DAB1: variants seen among roughly 807,000 people sequenced by gnomAD.
DAB1 encodes disabled homolog 1.
In DAB1, 15 loss-of-function variants were observed where a neutral mutation model predicts 64.6. That is an observed-to-expected ratio of 0.23 (90% CI 0.16 to 0.36). The LOEUF is 0.36. Ranked by LOEUF, DAB1 falls within the 10% of genes least tolerant of loss-of-function variation. The pLI is 1.00. For synonymous variants in DAB1, 235 were observed against 251.9 expected, an observed-to-expected ratio of 0.93 and a Z score of 0.64; for missense variants, 596 against 706.7, an observed-to-expected ratio of 0.84 and a Z score of 1.78.
At chr1:57,412,067 CTTA>C (rs971566054) in intron 1 of DAB1, among the ~76,000 whole-genome samples, 1 of 152,100 alleles carries the variant, frequency 6.6e-6, no homozygotes, top group Non-Finnish European at 1.5e-5. Flanking sequence ...TATTATTATA[CTTA>C]TTATGATGAT....
At chr1:57,737,603 G>A (rs1053294040) in intron 6 of DAB1, among the ~76,000 whole-genome samples, 1 of 152,156 alleles carries the variant, frequency 6.6e-6, no homozygotes, top group Non-Finnish European at 1.5e-5. Context: ...TTCTTCATGG[G>A]ATACAATAGT....
At chr1:57,936,798 T>A (rs1203481324) in intron 5 of DAB1, among the ~76,000 whole-genome samples, 2 of 152,162 alleles carry the variant, frequency 1.3e-5, no homozygotes, top group Non-Finnish European at 2.9e-5. Flanking sequence ...CAATCACTCT[T>A]ATAATTAAAT....
chr1:57,339,973 T>C (rs771211500), intron 1 of DAB1, among the ~76,000 whole-genome samples: 4 of 152,128 alleles, frequency 2.6e-5, no homozygotes, highest in Admixed American at 6.5e-5. Flanking sequence ...ACTAGCAGAA[T>C]CTAGGATGGT....
At chr1:57,072,600 T>C (rs1345375690) in intron 4 of DAB1, among the ~76,000 whole-genome samples, 186 bp from the exon 5 acceptor site, 1 of 152,206 alleles carries the variant, frequency 6.6e-6, no homozygotes, top group East Asian at 1.9e-4. Context: ...TCTATGGTCT[T>C]AATGCTGTGA....
chr1:57,948,209 G>A (rs1259633356), intron 5 of DAB1, among the ~76,000 whole-genome samples: 1 of 152,148 alleles, frequency 6.6e-6, no homozygotes, highest in Non-Finnish European at 1.5e-5. Context: ...TGTTTGTTAA[G>A]TAAAAAGAAG....
At position 57,650,512 on chromosome 1, in the gene DAB1, A is replaced by T. The variant is rs115340991; in HGVS notation, n.552-847T>A. 8.3e-3 allele frequency among the ~76,000 whole-genome samples: 1,259 copies of T among 152,318 alleles called. 17 individuals are homozygous for T. The highest frequency in any genetic ancestry group is 0.029 in the African/African-American group (1,213 of 41,570). On this transcript the variant is annotated intron_variant and non_coding_transcript_variant, in intron 6 of 20. Coordinates refer to the DAB1 transcript ENST00000485760. Reference sequence around the variant, plus strand: ...TAGAAGAATAATATGTAAATATAAAAATAATTTTTTAAATGTTCACTATAC... The same window carrying T: ...TAGAAGAATAATATGTAAATATAAATATAATTTTTTAAATGTTCACTATAC...
intron 5 of DAB1, among the ~76,000 whole-genome samples, chr1:58,017,155 G>A (rs1453228236): frequency 6.6e-6 from 1 of 151,886 alleles, no homozygotes; most frequent in East Asian, 1.9e-4. Flanking sequence ...CATGGGGTTG[G>A]CTTTCTGGAC....
At chr1:57,857,082 G>T (rs1413124246) in intron 1 of DAB1, among the ~76,000 whole-genome samples, 1 of 152,182 alleles carries the variant, frequency 6.6e-6, no homozygotes, top group Non-Finnish European at 1.5e-5. Flanking sequence ...TCAGAAATGA[G>T]ATGATGCAAT....
At chr1:57,758,313 G>A (rs559407981) in intron 6 of DAB1, among the ~76,000 whole-genome samples, 2 of 152,164 alleles carry the variant, frequency 1.3e-5, no homozygotes, top group South Asian at 4.1e-4. Flanking sequence ...TAAAGAGTTT[G>A]TACAAAGTCA....
At chr1:57,361,561 T>C (rs898338927) in intron 1 of DAB1, among the ~76,000 whole-genome samples, 2 of 152,168 alleles carry the variant, frequency 1.3e-5, no homozygotes, top group African/African-American at 4.8e-5. Context: ...CTGTGCTCCA[T>C]TGTCGGGTTT....
intron 9 of DAB1, among the ~76,000 whole-genome samples, chr1:57,051,458 A>T (rs896430926): frequency 6.6e-6 from 1 of 152,182 alleles, no homozygotes; most frequent in African/African-American, 2.4e-5. Context: ...GTGGGGGGGA[A>T]GTAGGGAACA....
At chr1:57,710,018 T>C (rs546043334) in intron 6 of DAB1, among the ~76,000 whole-genome samples, 17 of 152,272 alleles carry the variant, frequency 1.1e-4, no homozygotes, top group African/African-American at 4.1e-4. Context: ...GGGGGCTGCT[T>C]TTTATTAAAA....
intron 7 of DAB1, among the ~76,000 whole-genome samples, chr1:57,445,772 A>C (rs1426582086): frequency 4.6e-5 from 7 of 152,182 alleles, no homozygotes; most frequent in African/African-American, 1.7e-4. Context: ...CCCAAAATAT[A>C]TTAAAACGCA....
At chr1:57,335,658 T>G (rs1677021938) in intron 1 of DAB1, among the ~76,000 whole-genome samples, 1 of 152,182 alleles carries the variant, frequency 6.6e-6, no homozygotes. Flanking sequence ...TCCTTGAAAT[T>G]TACATGGCAT....
intron 1 of DAB1, among the ~76,000 whole-genome samples, chr1:57,400,494 G>T (rs1395511849): frequency 2.0e-5 from 3 of 151,020 alleles, no homozygotes; most frequent in African/African-American, 7.3e-5. Context: ...AACCATGGTG[G>T]ACCTACCATG....
chr1:57,745,068 A>C (rs570364065), intron 6 of DAB1, among the ~76,000 whole-genome samples: 2 of 152,198 alleles, frequency 1.3e-5, no homozygotes, highest in East Asian at 3.9e-4. Context: ...CCATTTAGTA[A>C]TTGGTAATGA....
chr1:57,693,332 G>T (rs952011541), intron 6 of DAB1, among the ~76,000 whole-genome samples: 2 of 151,352 alleles, frequency 1.3e-5, no homozygotes, highest in Admixed American at 6.6e-5. Flanking sequence ...GGGATTTAGA[G>T]AACTTTTCTC....
At chr1:57,163,592 G>C (rs1660961486) in intron 2 of DAB1, among the ~76,000 whole-genome samples, 1 of 152,032 alleles carries the variant, frequency 6.6e-6, no homozygotes, top group Non-Finnish European at 1.5e-5. Context: ...ACCTTATGCA[G>C]GGGCATGACT....
In DAB1 at chr1:57,794,738, T is replaced by C. The variant is rs536774844; in HGVS notation, n.551+89261A>G. Among the ~76,000 whole-genome samples, 3 of 152,380 alleles carry C rather than the reference T, an allele frequency of 2.0e-5. No homozygotes were observed. In the South Asian group the frequency reaches 6.2e-4, roughly 32 times the overall value. On this transcript the variant is annotated intron_variant and non_coding_transcript_variant, in intron 6 of 20. Coordinates refer to the DAB1 transcript ENST00000485760. ...CATACTTTATTTATTTATTACTATA[T>C]CCCTAGCTCCTGGCACAATGTCTGG...
Sources: allele counts gnomAD v4.1 joint callset (sites outside exome capture counted in the v4.1 genomes callset), GRCh38; gene constraint gnomAD v4.1.1; transcripts MANE v1.5; gene names NCBI Gene and HGNC (gene_info 2026-07-23, HGNC 2026-07-21).